Variants in BTBD8 observed in about 807,000 individuals in gnomAD.
BTBD8 encodes BTB domain containing 8, also known as BTB/POZ domain-containing protein 8.
Under a neutral mutation model 162.9 loss-of-function variants are expected in BTBD8, and 110 were observed. That is an observed-to-expected ratio of 0.68 (90% CI 0.58 to 0.79). The LOEUF (loss-of-function observed/expected upper bound fraction) is 0.79, where lower values mean the gene tolerates loss of function less well. Among genes scored for constraint, BTBD8 ranks in the 30% least tolerant of loss-of-function variants. BTBD8 has a pLI of 0.00. For synonymous variants in BTBD8, 667 were observed against 716.1 expected (o/e 0.93, Z 1.10); for missense variants, 1,905 against 2,085.4 (o/e 0.91, Z 1.68).
chr1:92,153,502 T>A (rs1650093645), intron 9 of BTBD8, among the ~76,000 whole-genome samples: 1 of 152,152 alleles, frequency 6.6e-6, no homozygotes, highest in South Asian at 2.1e-4. Flanking sequence ...TGAAACTTAA[T>A]GCCCAATGAT....
rs375894258 is a variant in BTBD8 at position 92,117,044 on chromosome 1, C to T, written c.662+9043C>T. On this transcript the variant is annotated intron_variant, in intron 4 of 17. Transcript: ENST00000636805. ...AAAAAATTTTTTGTAGAGATGGGTT[C>T]TCGCATTATTGCTCAGGCTGGTCTT... Among the ~76,000 whole-genome samples, 32 of 151,796 alleles carry T rather than the reference C, an allele frequency of 2.1e-4. No homozygotes were observed. The East Asian group carries it at 3.1e-3, about 15-fold the overall frequency.
At chr1:92,132,469 C>T (rs1649537735) in intron 5 of BTBD8, among the ~76,000 whole-genome samples, 1 of 152,144 alleles carries the variant, frequency 6.6e-6, no homozygotes, top group Non-Finnish European at 1.5e-5. Context: ...AATTACTCGT[C>T]TCTACTCTTT....
chr1:92,144,180 G>A (rs1471610298), intron 7 of BTBD8, among the ~76,000 whole-genome samples: 2 of 151,164 alleles, frequency 1.3e-5, no homozygotes, highest in Non-Finnish European at 2.9e-5. Context: ...TATCATGTTG[G>A]TCAGGCTGGT....
At chr1:92,152,145 TATG>T in intron 9 of BTBD8, among the ~76,000 whole-genome samples, 2 of 152,310 alleles carry the variant, frequency 1.3e-5, no homozygotes, top group Non-Finnish European at 2.9e-5. Context: ...CTAAATATAA[TATG>T]ATAAGTGCTC....
At chr1:92,126,212 A>G in intron 4 of BTBD8, 2 of 535,900 alleles carry the variant, frequency 3.7e-6, no homozygotes, top group Non-Finnish European at 7.4e-6. Context: ...TTATTATTCT[A>G]GAGGGGCCAG....
At chr1:92,090,914 G>A (rs972616030) in intron 2 of BTBD8, among the ~76,000 whole-genome samples, 6 of 152,082 alleles carry the variant, frequency 3.9e-5, no homozygotes, top group Non-Finnish European at 7.4e-5. Context: ...CTTGGATGAC[G>A]GAGCAAGACT....
chr1:92,130,539 T>TAC (rs59796834), intron 5 of BTBD8, among the ~76,000 whole-genome samples: 20,220 of 131,010 alleles, frequency 0.15, 1,506 homozygotes, highest in Non-Finnish European at 0.17. Flanking sequence ...TATATATATT[T>TAC]ACACACACAC....
intron 2 of BTBD8, among the ~76,000 whole-genome samples, chr1:92,096,822 GC>G (rs1380926512): frequency 2.0e-5 from 3 of 152,248 alleles, no homozygotes; most frequent in South Asian, 4.2e-4. Flanking sequence ...ACAGGTATGA[GC>G]CATAGCGTGT....
At position 92,139,287 on chromosome 1, in the gene BTBD8, A is replaced by T. The variant is rs79345425; in HGVS notation, c.753-63A>T. On this transcript the variant is annotated intron_variant, in intron 5 of 17. Transcript: ENST00000636805. Reference sequence around the variant, plus strand: ...CTTGGCTCGAAGTTTATGGGAAAATAGAATGAATCATTGATATCAGTTAAA... The same window carrying T: ...CTTGGCTCGAAGTTTATGGGAAAATTGAATGAATCATTGATATCAGTTAAA... The T allele has an allele frequency of 3.9e-3, 5,827 of 1,495,286 alleles. 228 individuals carry two copies. The African/African-American group carries it at 0.076, about 20-fold the overall frequency. 92.6% of individuals were successfully genotyped at this position (1,495,286 alleles called of 1,614,324 possible). A position where few individuals can be genotyped will look rare whatever the true frequency, so the allele number is the denominator to read the frequency against.
intron 6 of BTBD8, among the ~76,000 whole-genome samples, chr1:92,140,126 G>T (rs918418142): frequency 6.8e-5 from 9 of 131,696 alleles, no homozygotes; most frequent in African/African-American, 2.6e-4. Context: ...AAAAAAAAAA[G>T]AATATAGGGC....
chr1:92,130,843 C>T lies in BTBD8; in HGVS notation c.752+1067C>T, dbSNP rs529453323. Among the ~76,000 whole-genome samples, 119 of 152,266 alleles carry T rather than the reference C, an allele frequency of 7.8e-4. 1 individual carries two copies. The highest frequency in any genetic ancestry group is 2.3e-3 in the African/African-American group (97 of 41,542). On this transcript the variant is annotated intron_variant, in intron 5 of 17. Coordinates refer to ENST00000636805, the MANE Select transcript of BTBD8 (RefSeq NM_001376131.1). ...TCAGCCTCCTGAGTAGCTGGGATTA[C>T]AGGCATGCGCCACCACGCCTGGCTA...
chr1:92,171,842 G>A (rs1650554550), intron 13 of BTBD8, among the ~76,000 whole-genome samples: 1 of 152,222 alleles, frequency 6.6e-6, no homozygotes, highest in Admixed American at 6.5e-5. Flanking sequence ...TGTAATCCCA[G>A]CACTTTGGGA....
chr1:92,119,149 ATCTT>A (rs1649124523), intron 4 of BTBD8, among the ~76,000 whole-genome samples: 1 of 151,868 alleles, frequency 6.6e-6, no homozygotes, highest in African/African-American at 2.4e-5. Context: ...TTAAAAAACT[ATCTT>A]CAATAATTAA....
At position 92,180,717 on chromosome 1, in the gene BTBD8, C is replaced by T. The variant is rs914909338; in HGVS notation, c.3034C>T (p.Pro1012Ser). 6.4e-7 allele frequency: 1 copy of T among 1,551,606 alleles called. No homozygotes were observed. The highest frequency in any genetic ancestry group is 8.7e-7 in the Non-Finnish European group (1 of 1,146,978). Residue 1012 changes from proline to serine, a missense_variant, in exon 17 of 18, where the codon CCA becomes TCA. This residue lies in a region of BTBD8 where 1,374 missense variants were observed against 1,442.7 expected (regional missense o/e 0.95). Transcript: ENST00000636805. ...EALQSSCRPD[P>S]QKPLNDQEKE... ...ACTCCAGTCATCCTGCAGGCCTGAC[C>T]CACAAAAGCCATTAAACGATCAAGA... is the stretch of plus-strand genomic sequence containing the variant.
rs150109364 is a variant in BTBD8 at position 92,156,706 on chromosome 1, T to G, written c.1122+8920T>G. On this transcript the variant is annotated intron_variant, in intron 9 of 17. Transcript: ENST00000636805. ...CTAGGAATTTATCCATTTCTTCTAG[T>G]TTACCTTGTTTATTGGCTTGTAATT... Among the ~76,000 whole-genome samples, 383 of 152,222 alleles carry G rather than the reference T, an allele frequency of 2.5e-3. 5 individuals are homozygous for G. The highest frequency in any genetic ancestry group is 8.3e-3 in the African/African-American group (346 of 41,556).
Position 92,182,160 on chromosome 1 carries a change from G to A in BTBD8, c.4477G>A (p.Glu1493Lys). 1 of 1,551,010 alleles carries A rather than the reference G, an allele frequency of 6.4e-7. No homozygotes were observed. Among genetic ancestry groups the A allele is most frequent in the Non-Finnish European group, 8.7e-7 (1 of 1,146,596 alleles). ...CTATTCCAGATTCTCACGAGAAAGTGAAGATAATATTTTAGAATGTAAACA... is the reference window on the plus strand; with the variant it reads ...CTATTCCAGATTCTCACGAGAAAGTAAAGATAATATTTTAGAATGTAAACA... The part of the protein sequence containing the change: ...TCYSRFSRES[E>K]DNILECKQNK... The change falls in exon 17 of 18, where the codon GAA becomes AAA. Residue 1493 changes from glutamate (E) to lysine (K), a missense_variant. Glu to Lys is a moderately conservative substitution (Grantham distance 56, BLOSUM62 1). Around this residue, in one of 3 missense-constraint regions of BTBD8, gnomAD observed 517 missense variants for 606.6 expected, o/e 0.85. Coordinates refer to ENST00000636805, the MANE Select transcript of BTBD8 (RefSeq NM_001376131.1).
intron 7 of BTBD8, among the ~76,000 whole-genome samples, chr1:92,144,994 C>T (rs1036145879): frequency 9.2e-5 from 14 of 152,116 alleles, no homozygotes; most frequent in Non-Finnish European, 1.8e-4. Flanking sequence ...CTCACTCATT[C>T]AGTCACCCAG....
At chr1:92,098,748 G>A (rs942660756) in intron 2 of BTBD8, among the ~76,000 whole-genome samples, 2 of 151,976 alleles carry the variant, frequency 1.3e-5, no homozygotes, top group Non-Finnish European at 2.9e-5. Context: ...AACTAATCAC[G>A]TCCTTTGCCC....
chr1:92,083,979 A>G (rs1283544946), intron 1 of BTBD8, among the ~76,000 whole-genome samples: 6 of 152,196 alleles, frequency 3.9e-5, no homozygotes, highest in Non-Finnish European at 5.9e-5. Flanking sequence ...AGCAAGCTAT[A>G]TCCAGGAAAC....
Sources: gnomAD v4.1 joint callset for allele counts (sites outside exome capture counted in the v4.1 genomes callset) on GRCh38, gnomAD v4.1.1 for gene constraint, gnomAD v4.1.1 regional missense constraint, MANE v1.5 for transcripts, NCBI Gene and HGNC (gene_info 2026-07-23, HGNC 2026-07-21) for gene names.